The following MGAT5B variants were observed in gnomAD, a reference collection of about 807,000 sequenced individuals.
MGAT5B encodes N-acetylglucosaminyl-transferase Vb.
Under a neutral mutation model 95.1 loss-of-function variants are expected in MGAT5B, and 54 were observed. That is an observed-to-expected ratio of 0.57 (90% CI 0.46 to 0.71). The LOEUF is 0.71. Ranked by LOEUF, MGAT5B falls within the 30% of genes least tolerant of loss-of-function variation. MGAT5B has a pLI of 0.00. For synonymous variants in MGAT5B, 464 were observed against 451.0 expected (o/e 1.03, Z -0.36); for missense variants, 935 against 1,088.6 (o/e 0.86, Z 1.99).
At position 76,872,899 on chromosome 17, in the gene MGAT5B, G is replaced by A. The variant is rs774348763; in HGVS notation, c.117G>A (p.Thr39=). 2.1e-5 allele frequency: 34 copies of A among 1,614,050 alleles called. No individual in the cohort carries two copies. Among genetic ancestry groups the A allele is most frequent in the South Asian group, 3.3e-5 (3 of 91,084 alleles). ...TCTTCACTCTCTGCTTCCTGATGAC[G>A]TCTCTGGGAGGCCAGTTCTCGGCCC... ...IGFFTLCFLM[T]SLGGQFSARR... is the part of the protein sequence containing the mutation. The change falls in exon 2 of 18, where the codon ACG becomes ACA. Residue 39 remains threonine (T), a synonymous_variant. Transcript: ENST00000569840.
Position 76,948,992 on chromosome 17 carries a change from C to T in MGAT5B, c.*154C>T, listed in dbSNP as rs959598547. On this transcript the variant is annotated 3_prime_UTR_variant, in exon 18 of 18. Coordinates refer to ENST00000569840, the MANE Select transcript of MGAT5B (RefSeq NM_001199172.2). ...AGCCGGGAAGCTGGCAGAGGAGAGC[C>T]GTGCCCGGGAATAGGAGGAGGCAGC... The T allele has an allele frequency of 1.8e-5, 16 of 895,042 alleles. 1 individual carries two copies. Among genetic ancestry groups the T allele is most frequent in the South Asian group, 7.1e-5 (4 of 56,428 alleles). The allele number at this position is 895,042 out of a possible 1,614,324, so 55.4% of individuals were successfully genotyped here.
In MGAT5B at chr17:76,917,587, C is replaced by T. The variant is rs576482612; in HGVS notation, c.1026-7379C>T. ...CTCGGCATCTCTAGCGTGGAGCCAGCGGCCCTCAATATCCGAATCCAGGAT... is the reference window on the plus strand; with the variant it reads ...CTCGGCATCTCTAGCGTGGAGCCAGTGGCCCTCAATATCCGAATCCAGGAT... On this transcript the variant is annotated intron_variant, in intron 8 of 17. Transcript: ENST00000569840. This position sits in a 1 kb window ranked among gnomAD's most constrained non-coding sequence, Gnocchi z 6.1. Among the ~76,000 whole-genome samples, 10 of 152,296 alleles carry T rather than the reference C, an allele frequency of 6.6e-5. No homozygotes were observed. The South Asian group carries it at 1.5e-3, about 22-fold the overall frequency.
intron 16 of MGAT5B, 37 bp downstream of exon 16, chr17:76,946,487 C>G: frequency 1.3e-6 from 2 of 1,534,128 alleles, no homozygotes; most frequent in South Asian, 1.3e-5. Context: ...CAGATCCTGT[C>G]AGACCAGAGG....
chr17:76,872,954 C>T lies in MGAT5B; in HGVS notation c.172C>T (p.Arg58Cys), dbSNP rs1056392360. The change falls in exon 2 of 18, where the codon CGC (arginine) becomes TGC (cysteine). Residue 58 changes from arginine to cysteine, a missense_variant. By Grantham distance (180) the Arg-to-Cys change is radical. Coordinates refer to ENST00000569840, the MANE Select transcript of MGAT5B (RefSeq NM_001199172.2). ...CCTGGGGGACTCGCCATTCACCATC[C>T]GCACAGAAGGTACCTTGGTGGGGCA... is the stretch of plus-strand genomic sequence containing the variant. ...RRLGDSPFTI[R>C]TEVMGGPESR... is the part of the protein sequence containing the mutation. 21 of 1,613,768 alleles carry T rather than the reference C, an allele frequency of 1.3e-5. No individual in the cohort carries two copies. The highest frequency in any genetic ancestry group is 2.2e-5 in the East Asian group (1 of 44,902).
At chr17:76,892,628 G>A (rs893296026) in intron 3 of MGAT5B, among the ~76,000 whole-genome samples, 2 of 152,278 alleles carry the variant, frequency 1.3e-5, no homozygotes, top group Non-Finnish European at 2.9e-5. Context: ...GAAAGGATAT[G>A]GATGAAAATC....
In MGAT5B at chr17:76,917,235, G is replaced by A. The variant is rs779001055; in HGVS notation, c.1026-7731G>A. Among the ~76,000 whole-genome samples, 7 of 152,132 alleles carry A rather than the reference G, an allele frequency of 4.6e-5. No individual in the cohort carries two copies. Among genetic ancestry groups the A allele is most frequent in the Non-Finnish European group, 7.3e-5 (5 of 68,038 alleles). On this transcript the variant is annotated intron_variant, in intron 8 of 17. Transcript: ENST00000569840. The surrounding 1 kb of genome is among the most constrained non-coding windows in gnomAD (Gnocchi z 6.1). Reference sequence around the variant, plus strand: ...GCTGACTGATGAGCCAGGCAGGTCCGAATGTTCCTCGAAGTCAGTTTCTTT... The same window carrying A: ...GCTGACTGATGAGCCAGGCAGGTCCAAATGTTCCTCGAAGTCAGTTTCTTT...
rs951733788 is a variant in MGAT5B, at chr17:76,915,508, T to A, written c.1025+9321T>A. On this transcript the variant is annotated intron_variant, in intron 8 of 17. Transcript: ENST00000569840. The surrounding 1 kb of genome is among the most constrained non-coding windows in gnomAD (Gnocchi z 8.7). ...CTCTACCAGGGTTTGTAATATGCTATCCCTCGAAACAAACAGGATTCGAAC... is the reference window on the plus strand; with the variant it reads ...CTCTACCAGGGTTTGTAATATGCTAACCCTCGAAACAAACAGGATTCGAAC... 1.3e-5 allele frequency among the ~76,000 whole-genome samples: 2 copies of A among 152,178 alleles called. No homozygotes were observed. The highest frequency in any genetic ancestry group is 2.9e-5 in the Non-Finnish European group (2 of 68,032).
intron 2 of MGAT5B, among the ~76,000 whole-genome samples, chr17:76,874,444 G>A (rs1260600723): frequency 6.6e-6 from 1 of 152,112 alleles, no homozygotes; most frequent in Non-Finnish European, 1.5e-5. Context: ...TGAACCGGAA[G>A]GGTGGCTTGG....
At position 76,875,813 on chromosome 17, in the gene MGAT5B, T is replaced by C. The variant is rs955124573; in HGVS notation, c.181+2850T>C. ...GAATATTTCAGTGCACGTCTTTTGG[T>C]AAACATACGTAGGCATTTCTGTTGG... On this transcript the variant is annotated intron_variant, in intron 2 of 17. Coordinates refer to ENST00000569840, the MANE Select transcript of MGAT5B (RefSeq NM_001199172.2). Among the ~76,000 whole-genome samples the C allele has an allele frequency of 4.6e-5, 7 of 152,158 alleles. No individual in the cohort carries two copies. In the South Asian group the frequency reaches 1.5e-3, roughly 32 times the overall value.
intron 8 of MGAT5B, among the ~76,000 whole-genome samples, chr17:76,911,155 G>A (rs1285173400): frequency 6.6e-6 from 1 of 152,164 alleles, no homozygotes; most frequent in Non-Finnish European, 1.5e-5. Context: ...TCTGGGGTGG[G>A]GGCCCAGGTA....
At position 76,916,104 on chromosome 17, in the gene MGAT5B, C is replaced by G. The variant is rs1029867614; in HGVS notation, c.1026-8862C>G. On this transcript the variant is annotated intron_variant, in intron 8 of 17. Coordinates refer to ENST00000569840, the MANE Select transcript of MGAT5B (RefSeq NM_001199172.2). The surrounding 1 kb of genome is among the most constrained non-coding windows in gnomAD (Gnocchi z 5.3). Reference sequence around the variant, plus strand: ...GCCTGGGGCTGCCCTGGCCCCTGCCCTTCATCCTTCCTCGGGATCCAGGAG... The same window carrying G: ...GCCTGGGGCTGCCCTGGCCCCTGCCGTTCATCCTTCCTCGGGATCCAGGAG... Among the ~76,000 whole-genome samples, 12 of 152,222 alleles carry G rather than the reference C, an allele frequency of 7.9e-5. No homozygotes were observed. Among genetic ancestry groups the G allele is most frequent in the African/African-American group, 1.2e-4 (5 of 41,452 alleles).
At chr17:76,884,698 G>T (rs1238528578) in intron 3 of MGAT5B, among the ~76,000 whole-genome samples, 5 of 151,836 alleles carry the variant, frequency 3.3e-5, no homozygotes, top group Non-Finnish European at 7.4e-5. Context: ...CTGCCTCCCG[G>T]GTTCAAGCGA....
chr17:76,913,946 A>G (rs531848631), intron 8 of MGAT5B: 11 of 354,528 alleles, frequency 3.1e-5, no homozygotes, highest in African/African-American at 1.5e-4. Context: ...CCTGGTCTTT[A>G]CCAAAAACAA....
At chr17:76,882,618 T>C (rs1385448342) in intron 3 of MGAT5B, 4 of 254,620 alleles carry the variant, frequency 1.6e-5, no homozygotes, top group Non-Finnish European at 3.0e-5. Flanking sequence ...TGCACATATG[T>C]TTAACACACA....
intron 8 of MGAT5B, among the ~76,000 whole-genome samples, chr17:76,924,675 C>T (rs768683213): frequency 1.3e-5 from 2 of 152,204 alleles, no homozygotes; most frequent in East Asian, 1.9e-4. Context: ...CACAGCCCTG[C>T]GGGAGCACAT....
chr17:76,888,672 G>T (rs1386360164), intron 3 of MGAT5B, among the ~76,000 whole-genome samples: 1 of 152,162 alleles, frequency 6.6e-6, no homozygotes, highest in East Asian at 1.9e-4. Flanking sequence ...TGATTACCTC[G>T]TGGGGCAGGG....
chr17:76,897,709 CTTTCTTTCTTTCTTTCTTTTTCT>C lies in MGAT5B; in HGVS notation c.330-4842_330-4820del, dbSNP rs1567800272. The stretch of plus-strand genomic sequence containing the variant: ...TCTTTCTTTCTTTCTTTCTTTCTTT[CTTTCTTTCTTTCTTTCTTTTTCT>C]TTTTTTTTTTTTTTTTTGGTTTATT... On this transcript the variant is annotated intron_variant, in intron 3 of 17. Transcript: ENST00000569840. 1.3e-3 allele frequency among the ~76,000 whole-genome samples: 121 copies of C among 93,026 alleles called. 1 individual carries two copies. The highest frequency in any genetic ancestry group is 6.6e-3 in the African/African-American group (114 of 17,228). The allele number at this position is 93,026 out of a possible 152,430, so 61.0% of individuals were successfully genotyped here.
intron 10 of MGAT5B, 63 bp downstream of exon 10, chr17:76,926,793 C>G: frequency 4.4e-6 from 7 of 1,574,628 alleles, no homozygotes; most frequent in African/African-American, 2.7e-5. Context: ...AGAGGTGACA[C>G]GAGAGGCGGC....
chr17:76,937,970 C>T lies in MGAT5B; in HGVS notation c.1429-18C>T, dbSNP rs767910052. ...GTGGTTTGCATGTGGTTCCCATCTCCTCCTCTTCTTTTTCCAGGGGAAGGA... is the reference window on the plus strand; with the variant it reads ...GTGGTTTGCATGTGGTTCCCATCTCTTCCTCTTCTTTTTCCAGGGGAAGGA... On this transcript the variant is annotated intron_variant, in intron 12 of 17. Transcript: ENST00000569840. 1.2e-6 allele frequency: 2 copies of T among 1,611,394 alleles called. No individual in the cohort carries two copies. The highest frequency in any genetic ancestry group is 1.7e-6 in the Non-Finnish European group (2 of 1,177,734).
Sources: allele counts gnomAD v4.1 joint callset (sites outside exome capture counted in the v4.1 genomes callset), GRCh38; gene constraint gnomAD v4.1.1; non-coding constraint Gnocchi (gnomAD v3.1); transcripts MANE v1.5; gene names NCBI Gene and HGNC (gene_info 2026-07-23, HGNC 2026-07-21).